Variants in NBEA observed in about 807,000 individuals in gnomAD.
NBEA encodes the protein neurobeachin.
Under a neutral mutation model 343.4 loss-of-function variants are expected in NBEA, and 44 were observed. The observed-to-expected ratio is 0.13, with a 90% CI of 0.10 to 0.16. The LOEUF (loss-of-function observed/expected upper bound fraction) is 0.16, where lower values mean the gene tolerates loss of function less well. Ranked by LOEUF, NBEA falls within the 10% of genes least tolerant of loss-of-function variation. The pLI is 1.00. For missense variants in NBEA, 2,555 were observed against 3,631.3 expected, an observed-to-expected ratio of 0.70 and a Z score of 7.62; for synonymous variants, 1,175 against 1,238.7, an observed-to-expected ratio of 0.95 and a Z score of 1.08.
intron 38 of NBEA, among the ~76,000 whole-genome samples, chr13:35,391,955 A>G (rs1247242448): frequency 6.6e-6 from 1 of 152,140 alleles, no homozygotes; most frequent in Non-Finnish European, 1.5e-5. Context: ...AATACCACAC[A>G]TATAGTGCTA....
chr13:34,959,273 G>GT (rs1381013580), intron 1 of NBEA, among the ~76,000 whole-genome samples: 8 of 151,916 alleles, frequency 5.3e-5, no homozygotes, highest in Admixed American at 4.6e-4. Flanking sequence ...TGAATTTTAT[G>GT]TTTTTTTCGT....
intron 33 of NBEA, among the ~76,000 whole-genome samples, chr13:35,221,452 AT>A (rs1460912277): frequency 6.6e-6 from 1 of 151,540 alleles, no homozygotes; most frequent in Non-Finnish European, 1.5e-5. Context: ...AAAGTCTTTG[AT>A]TATTTATCAG....
intron 35 of NBEA, among the ~76,000 whole-genome samples, chr13:35,308,504 A>ATATGTATATATATG (rs1344259197): frequency 3.5e-5 from 4 of 115,610 alleles, no homozygotes; most frequent in African/African-American, 1.5e-4. Flanking sequence ...ATATGTGTAT[A>ATATGTATATATATG]TATATATGTG....
chr13:35,534,357 C>T (rs952760774), intron 41 of NBEA, among the ~76,000 whole-genome samples: 2 of 152,206 alleles, frequency 1.3e-5, no homozygotes, highest in Admixed American at 6.5e-5. Context: ...CAGACTTCCT[C>T]TACTTCCTAC....
At chr13:35,316,040 T>A (rs73169733) in intron 36 of NBEA, among the ~76,000 whole-genome samples, 6,943 of 143,740 alleles carry the variant, frequency 0.048, 240 homozygotes, top group South Asian at 0.089. Flanking sequence ...AACAGAAGTT[T>A]CTTTTCCATG....
At chr13:35,380,527 G>T (rs1599528) in intron 38 of NBEA, among the ~76,000 whole-genome samples, 105,848 of 151,916 alleles carry the variant, frequency 0.7, 39,188 homozygotes, top group Non-Finnish European at 0.81. Context: ...TTTATTTGTA[G>T]GTGTTAGATA....
intron 34 of NBEA, among the ~76,000 whole-genome samples, chr13:35,263,651 G>A (rs1329080442): frequency 6.6e-6 from 1 of 151,898 alleles, no homozygotes; most frequent in African/African-American, 2.4e-5. Flanking sequence ...ACAAATACAT[G>A]GAAATTAAAC....
chr13:35,623,652 T>G (rs2083095625), intron 48 of NBEA, among the ~76,000 whole-genome samples: 1 of 152,152 alleles, frequency 6.6e-6, no homozygotes, highest in African/African-American at 2.4e-5. Flanking sequence ...TTAATTTAAT[T>G]AAAGACTATT....
chr13:35,162,330 A>G (rs758845551), intron 23 of NBEA, among the ~76,000 whole-genome samples: 3 of 152,218 alleles, frequency 2.0e-5, no homozygotes, highest in Non-Finnish European at 4.4e-5. Flanking sequence ...AAGAGAGCAC[A>G]TCATTTACAT....
chr13:35,156,329 AT>A, intron 20 of NBEA, 123 bp downstream of exon 20: 1 of 958,642 alleles, frequency 1.0e-6, no homozygotes, highest in Non-Finnish European at 1.5e-6. Context: ...CAGAAAAGGC[AT>A]TTTATGTTTC....
intron 1 of NBEA, among the ~76,000 whole-genome samples, chr13:35,020,243 C>T (rs2061791370): frequency 1.3e-5 from 2 of 151,890 alleles, no homozygotes; most frequent in Non-Finnish European, 2.9e-5. Flanking sequence ...TTCTTGGTGA[C>T]TTCTTTGATC....
intron 38 of NBEA, among the ~76,000 whole-genome samples, chr13:35,401,940 G>C (rs983288435): frequency 2.0e-5 from 3 of 151,954 alleles, no homozygotes; most frequent in African/African-American, 4.8e-5. Context: ...TACGAGTGCA[G>C]CTGTCCATCT....
At chr13:35,015,143 AC>A (rs201305668) in intron 1 of NBEA, among the ~76,000 whole-genome samples, 1,682 of 136,540 alleles carry the variant, frequency 0.012, 473 homozygotes, top group African/African-American at 0.025. Context: ...AAAAAAACAA[AC>A]AAAAAAAAAA....
intron 10 of NBEA, among the ~76,000 whole-genome samples, chr13:35,094,154 CAAAG>C (rs1028440802): frequency 2.0e-5 from 3 of 151,850 alleles, no homozygotes; most frequent in South Asian, 2.1e-4. Context: ...TCTGACAAGA[CAAAG>C]GAAGATATAA....
chr13:35,393,868 G>A (rs912242536), intron 38 of NBEA, among the ~76,000 whole-genome samples: 4 of 151,938 alleles, frequency 2.6e-5, no homozygotes, highest in African/African-American at 7.2e-5. Context: ...TATTAGAGAA[G>A]TTATTCTCTA....
intron 34 of NBEA, among the ~76,000 whole-genome samples, chr13:35,257,240 A>G (rs2032717583): frequency 6.6e-6 from 1 of 152,244 alleles, no homozygotes; most frequent in Non-Finnish European, 1.5e-5. Context: ...GCATTTTTAT[A>G]TGAGGCATGT....
intron 8 of NBEA, among the ~76,000 whole-genome samples, chr13:35,059,390 T>C (rs1287660695): frequency 6.6e-6 from 1 of 151,898 alleles, no homozygotes; most frequent in Non-Finnish European, 1.5e-5. Flanking sequence ...TCATATTCTT[T>C]TTGTTTTTTA....
At chr13:35,395,402 A>G (rs1052366428) in intron 38 of NBEA, among the ~76,000 whole-genome samples, 1 of 151,404 alleles carries the variant, frequency 6.6e-6, no homozygotes, top group Non-Finnish European at 1.5e-5. Flanking sequence ...GTTATGTAAG[A>G]CGTGTCTGCT....
intron 38 of NBEA, among the ~76,000 whole-genome samples, chr13:35,401,951 G>A (rs1471685937): frequency 2.6e-5 from 4 of 151,940 alleles, no homozygotes; most frequent in African/African-American, 9.7e-5. Flanking sequence ...CTGTCCATCT[G>A]TAATTATAGG....
Sources: gnomAD v4.1 joint callset for allele counts (sites outside exome capture counted in the v4.1 genomes callset) on GRCh38, gnomAD v4.1.1 for gene constraint, MANE v1.5 for transcripts, NCBI Gene and HGNC (gene_info 2026-07-23, HGNC 2026-07-21) for gene names.